The following SMN2 variants were observed in gnomAD, a reference collection of about 807,000 sequenced individuals.
SMN2 encodes survival motor neuron protein.
A neutral mutation model predicts 2.8 loss-of-function variants in SMN2; 1 was observed. The observed-to-expected ratio is 0.35, with a 90% CI of 0.13 to 1.68. The LOEUF is 1.68. Among genes scored for constraint, SMN2 ranks in the 40% most tolerant of loss-of-function variants. The probability of loss-of-function intolerance (pLI) is 0.35; values close to 1 mark genes in which losing one functional copy is unlikely to be tolerated. For missense variants in SMN2, 12 were observed against 16.9 expected (o/e 0.71, Z 0.51); for synonymous variants, 5 against 5.0 (o/e 0.99, Z 0.01).
At chr5:70,071,936 C>CTG (rs1774633951) in intron 7 of SMN2, among the ~76,000 whole-genome samples, 1 of 99,674 alleles carries the variant, frequency 1.0e-5, no homozygotes, top group African/African-American at 3.9e-5. Context: ...AATGTATCAT[C>CTG]TGTGTGTGCC....
In SMN2 at chr5:70,075,942, C is replaced by T. The variant is rs1461796368; in HGVS notation, c.835-579C>T. On this transcript the variant is annotated intron_variant, in intron 7 of 8. Coordinates refer to ENST00000380743, the MANE Select transcript of SMN2 (RefSeq NM_017411.4). ...AATCTCAGCTCACTGCAGCCTCCGC[C>T]TCCTGGGTTCAAGTGATTCTCCTGC... is the stretch of plus-strand genomic sequence containing the variant. Among the ~76,000 whole-genome samples the T allele has an allele frequency of 9.6e-5, 12 of 124,530 alleles. 2 individuals carry two copies. Among genetic ancestry groups the T allele is most frequent in the Non-Finnish European group, 1.8e-4 (11 of 60,712 alleles). The allele number at this position is 124,530 out of a possible 152,430, so 81.7% of individuals were successfully genotyped here. A position where few individuals can be genotyped will look rare whatever the true frequency, so the allele number is the denominator to read the frequency against.
intron 7 of SMN2, among the ~76,000 whole-genome samples, chr5:70,074,692 TACTG>T (rs1388821261): frequency 8.3e-6 from 1 of 119,878 alleles, no homozygotes; most frequent in Non-Finnish European, 1.8e-5. Flanking sequence ...TCATTGGACA[TACTG>T]AAAGAAGAAA....
the SMN2 span, among the ~76,000 whole-genome samples, chr5:70,084,132 G>T: frequency 2.6e-5 from 2 of 75,660 alleles, no homozygotes; most frequent in Non-Finnish European, 4.7e-5. Flanking sequence ...AGCATCTTTA[G>T]GATTAAGTAT....
At chr5:70,085,084 G>A in the SMN2 span, among the ~76,000 whole-genome samples, 15 of 133,358 alleles carry the variant, frequency 1.1e-4, no homozygotes, top group African/African-American at 3.9e-4. Flanking sequence ...ACTGTTTAAA[G>A]TGATTCCCAA....
chr5:70,081,821 G>A (rs1415688385), downstream of SMN2, among the ~76,000 whole-genome samples: 1 of 61,110 alleles, frequency 1.6e-5, no homozygotes, highest in Non-Finnish European at 2.9e-5. Flanking sequence ...GGGACAATTT[G>A]GCTTCCTCTT....
At chr5:70,088,615 T>C in the SMN2 span, among the ~76,000 whole-genome samples, 1 of 127,168 alleles carries the variant, frequency 7.9e-6, no homozygotes, top group Non-Finnish European at 1.6e-5. Flanking sequence ...ATTTTTGTAT[T>C]TTTAGTAGGG....
In SMN2 at chr5:70,069,270, G is replaced by GCCA. The variant is rs1408167278; in HGVS notation, c.675_677dup (p.Pro226dup). ...AATTCAATGGCCCACCACCGCCACC[G>GCCA]CCACCACCACCACCCCACTTACTAT... is the stretch of plus-strand genomic sequence containing the variant. On this transcript the variant is annotated inframe_insertion, in exon 6 of 9. Transcript: ENST00000380743. 1.1e-3 allele frequency: 9 copies of GCCA among 7,858 alleles called. No homozygotes were observed. The highest frequency in any genetic ancestry group is 6.0e-3 in the South Asian group (9 of 1,496). The allele number at this position is 7,858 out of a possible 1,614,324, so 0.5% of individuals were successfully genotyped here.
chr5:70,085,463 G>GA, the SMN2 span, among the ~76,000 whole-genome samples: 1 of 123,254 alleles, frequency 8.1e-6, no homozygotes, highest in Non-Finnish European at 1.6e-5. Context: ...GGCCAGTCTT[G>GA]AACTCCTGAC....
chr5:70,084,406 CT>C, the SMN2 span, among the ~76,000 whole-genome samples: 4 of 124,678 alleles, frequency 3.2e-5, 1 homozygote, highest in Admixed American at 2.5e-4. Flanking sequence ...CCAGGCTGAT[CT>C]TGAACTCCTG....
downstream of SMN2, among the ~76,000 whole-genome samples, chr5:70,079,441 A>AC (rs1774821397): frequency 1.3e-5 from 2 of 149,776 alleles, no homozygotes; most frequent in Admixed American, 1.3e-4. Flanking sequence ...CAAAAAAAAA[A>AC]AAAAAAAAAA....
At chr5:70,088,613 A>AT in the SMN2 span, among the ~76,000 whole-genome samples, 2 of 126,388 alleles carry the variant, frequency 1.6e-5, no homozygotes, top group South Asian at 2.5e-4. Flanking sequence ...ATATTTTTGT[A>AT]TTTTTAGTAG....
chr5:70,077,465 G>GT lies in SMN2; in HGVS notation c.*451dup, dbSNP rs1774789020. 1 of 75,494 alleles carries GT rather than the reference G, an allele frequency of 1.3e-5. No homozygotes were observed. Among genetic ancestry groups the GT allele is most frequent in the Non-Finnish European group, 2.4e-5 (1 of 41,366 alleles). The allele number at this position is 75,494 out of a possible 1,614,324, so 4.7% of individuals were successfully genotyped here. On this transcript the variant is annotated 3_prime_UTR_variant, in exon 9 of 9. Transcript: ENST00000380743. ...AATGTTTCAAATGGTTTAACAAAATGTATGTGAGGCGTATGTGGCAAAATG... is the reference window on the plus strand; with the variant it reads ...AATGTTTCAAATGGTTTAACAAAATGTTATGTGAGGCGTATGTGGCAAAATG...
chr5:70,087,912 TAAAA>T, the SMN2 span, among the ~76,000 whole-genome samples: 6 of 34,764 alleles, frequency 1.7e-4, no homozygotes, highest in Non-Finnish European at 2.9e-4. Flanking sequence ...GGGTCATGGT[TAAAA>T]AAAAAGCTTG....
At chr5:70,071,793 C>T (rs1421354341) in intron 7 of SMN2, among the ~76,000 whole-genome samples, 4 of 150,928 alleles carry the variant, frequency 2.7e-5, no homozygotes, top group Admixed American at 6.6e-5. Flanking sequence ...CGTGAGCCAC[C>T]GCGCCCGGCC....
intron 6 of SMN2, among the ~76,000 whole-genome samples, chr5:70,070,233 A>G (rs1330660420): frequency 9.5e-6 from 1 of 105,636 alleles, no homozygotes; most frequent in African/African-American, 4.3e-5. Context: ...TCATAGCTTC[A>G]TAGTGGAACA....
chr5:70,088,162 CCAAG>C, the SMN2 span, among the ~76,000 whole-genome samples: 3 of 125,266 alleles, frequency 2.4e-5, 1 homozygote, highest in Non-Finnish European at 4.8e-5. Flanking sequence ...TCCCTAGAAG[CCAAG>C]CAGATACCAG....
chr5:70,079,404 C>G (rs1412479464), downstream of SMN2, among the ~76,000 whole-genome samples: 17 of 139,852 alleles, frequency 1.2e-4, no homozygotes, highest in East Asian at 3.4e-3. Context: ...TGTACTCAAG[C>G]CTGGGCTAAA....
chr5:70,083,516 G>A (rs1454808420), downstream of SMN2, among the ~76,000 whole-genome samples: 2 of 135,620 alleles, frequency 1.5e-5, no homozygotes, highest in South Asian at 2.2e-4. Context: ...TGTTTATTGC[G>A]GCACTATTCA....
At chr5:70,053,031 T>C (rs1273603381) in intron 1 of SMN2, among the ~76,000 whole-genome samples, 1 of 39,260 alleles carries the variant, frequency 2.5e-5, no homozygotes, top group Non-Finnish European at 5.0e-5. Context: ...ACTGCATTTA[T>C]GGAGAGGTTG....
Sources: gnomAD v4.1 joint callset for allele counts (sites outside exome capture counted in the v4.1 genomes callset) on GRCh38, gnomAD v4.1.1 for gene constraint, MANE v1.5 for transcripts, NCBI Gene and HGNC (gene_info 2026-07-23, HGNC 2026-07-21) for gene names.